KIAA0319: variants seen among roughly 807,000 people sequenced by gnomAD.
KIAA0319 encodes the protein KIAA0319, also known as dyslexia-associated protein KIAA0319.
Under a neutral mutation model 108.4 loss-of-function variants are expected in KIAA0319, and 83 were observed. The observed-to-expected ratio is 0.77, with a 90% CI of 0.64 to 0.92. The LOEUF is 0.92. Ranked by LOEUF, KIAA0319 falls within the 40% of genes least tolerant of loss-of-function variation. The pLI, the probability that KIAA0319 is intolerant of heterozygous loss-of-function variation, is 0.00. For synonymous variants in KIAA0319, 484 were observed against 510.4 expected (o/e 0.95, Z 0.70); for missense variants, 1,195 against 1,322.4 (o/e 0.90, Z 1.49).
intron 16 of KIAA0319, among the ~76,000 whole-genome samples, chr6:24,562,967 T>C (rs1763303274): frequency 6.6e-6 from 1 of 152,136 alleles, no homozygotes. Context: ...CAAATGGTAA[T>C]CAGTGATCCT....
chr6:24,580,006 AC>A, intron 7 of KIAA0319, 56 bp from the exon 8 acceptor site: 1 of 1,301,108 alleles, frequency 7.7e-7, no homozygotes, highest in Non-Finnish European at 1.1e-6. Flanking sequence ...ATATGTCATT[AC>A]CCACATAAAA....
chr6:24,629,885 T>G (rs1775287593), intron 1 of KIAA0319, among the ~76,000 whole-genome samples: 1 of 152,140 alleles, frequency 6.6e-6, no homozygotes, highest in Non-Finnish European at 1.5e-5. Context: ...AAATAAATCC[T>G]TCTTTAAATA....
chr6:24,625,837 A>T (rs1376753765), intron 1 of KIAA0319, among the ~76,000 whole-genome samples: 1 of 152,250 alleles, frequency 6.6e-6, no homozygotes, highest in Non-Finnish European at 1.5e-5. Context: ...ACAAAGAGTA[A>T]GTACTTAGGA....
At chr6:24,586,483 C>A (rs1186536488) in intron 4 of KIAA0319, among the ~76,000 whole-genome samples, 1 of 152,174 alleles carries the variant, frequency 6.6e-6, no homozygotes, top group Non-Finnish European at 1.5e-5. Context: ...TCCAAGAGAT[C>A]CACATCCATA....
intron 1 of KIAA0319, among the ~76,000 whole-genome samples, chr6:24,601,614 A>G (rs1770633474): frequency 6.6e-6 from 1 of 152,220 alleles, no homozygotes; most frequent in Non-Finnish European, 1.5e-5. Flanking sequence ...AGGCTGTTGC[A>G]GTGGGAAGCT....
chr6:24,597,025 A>ATCCATCAC (rs796965925), intron 2 of KIAA0319, among the ~76,000 whole-genome samples: 3 of 151,770 alleles, frequency 2.0e-5, no homozygotes, highest in African/African-American at 7.3e-5. Context: ...CCACTCATCC[A>ATCCATCAC]TCCATCACTC....
In KIAA0319 at chr6:24,579,935, A is replaced by T. The variant is rs753910882; in HGVS notation, c.1295T>A (p.Leu432Gln). The change falls in exon 8 of 21, where the codon CTG (leucine) becomes CAG (glutamine). Residue 432 changes from leucine to glutamine, a missense_variant. Leu to Gln is a moderately radical substitution (Grantham distance 113). Transcript: ENST00000378214. Reference protein sequence around the residue: ...VTVKPARRVNLPPVAVVSPQL... With the variant: ...VTVKPARRVNQPPVAVVSPQL... ...GGGAGAAACAACTGCTACAGGTGGC[A>T]GGTTGACTCTTCTGGCTGTAACAAA... The T allele has an allele frequency of 1.3e-6, 2 of 1,594,160 alleles. No homozygotes were observed. The highest frequency in any genetic ancestry group is 2.3e-5 in the East Asian group (1 of 44,116).
At chr6:24,569,361 C>A (rs558097223) in intron 12 of KIAA0319, among the ~76,000 whole-genome samples, 1 of 152,232 alleles carries the variant, frequency 6.6e-6, no homozygotes, top group South Asian at 2.1e-4. Flanking sequence ...CGGGGCTTGT[C>A]AAAAATACCT....
chr6:24,578,144 A>G lies in KIAA0319; in HGVS notation c.1471T>C (p.Leu491=). ...KTSVDSPVLR[L]SNLDPGNYSF... Reference sequence around the variant, plus strand: ...TAGTTACCAGGATCAAGGTTAGACAAGCGTAAGACGGGAGAGTCAACTGAA... The same window carrying G: ...TAGTTACCAGGATCAAGGTTAGACAGGCGTAAGACGGGAGAGTCAACTGAA... Residue 491 remains leucine (L), a synonymous_variant, in exon 9 of 21, where the codon TTG becomes CTG. Transcript: ENST00000378214. 6.2e-7 allele frequency: 1 copy of G among 1,613,078 alleles called. No individual in the cohort carries two copies. Among genetic ancestry groups the G allele is most frequent in the African/African-American group, 1.3e-5 (1 of 75,012 alleles).
At chr6:24,606,325 C>T (rs912967975) in intron 1 of KIAA0319, among the ~76,000 whole-genome samples, 3 of 152,154 alleles carry the variant, frequency 2.0e-5, no homozygotes, top group Non-Finnish European at 4.4e-5. Context: ...ATGCATGACC[C>T]CTAGGCCATC....
At chr6:24,628,568 ATTAGTTTCCTAGGGC>A (rs1053302431) in intron 1 of KIAA0319, among the ~76,000 whole-genome samples, 3 of 152,040 alleles carry the variant, frequency 2.0e-5, no homozygotes, top group African/African-American at 7.2e-5. Flanking sequence ...TACCATCTGA[ATTAGTTTCCTAGGGC>A]TACTGTAACA....
intron 6 of KIAA0319, 91 bp downstream of exon 6, chr6:24,582,158 A>G (rs1236729234): frequency 1.3e-6 from 1 of 763,976 alleles, no homozygotes; most frequent in East Asian, 2.6e-5. Flanking sequence ...AAAAGAAGAA[A>G]GACGTTTGGG....
At chr6:24,584,658 T>C (rs774810009) in intron 4 of KIAA0319, among the ~76,000 whole-genome samples, 6 of 152,268 alleles carry the variant, frequency 3.9e-5, no homozygotes, top group African/African-American at 7.2e-5. Flanking sequence ...AGAAGGGACA[T>C]TGATCCAAAC....
intron 11 of KIAA0319, 105 bp from the exon 12 acceptor site, chr6:24,570,140 C>T (rs1338769280): frequency 1.1e-5 from 12 of 1,075,436 alleles, no homozygotes; most frequent in Non-Finnish European, 1.5e-5. Context: ...GACCAGGCAG[C>T]CACTAGAGTA....
intron 19 of KIAA0319, 54 bp from the exon 20 acceptor site, chr6:24,551,579 C>G: frequency 1.6e-6 from 2 of 1,240,968 alleles, no homozygotes. Context: ...TAACTGAGAG[C>G]TAGGATTTAA....
intron 10 of KIAA0319, 150 bp from the exon 11 acceptor site, chr6:24,572,848 G>C (rs1311624917): frequency 2.5e-6 from 2 of 786,002 alleles, no homozygotes; most frequent in East Asian, 6.1e-5. Context: ...AGGCACGGTG[G>C]TTCACATCTG....
chr6:24,638,065 T>C (rs1370276787), intron 1 of KIAA0319, among the ~76,000 whole-genome samples: 1 of 152,058 alleles, frequency 6.6e-6, no homozygotes, highest in Non-Finnish European at 1.5e-5. Flanking sequence ...TAATACATAC[T>C]AGGGAGCAAA....
chr6:24,559,190 G>A (rs1762748194), intron 16 of KIAA0319, 35 bp from the exon 17 acceptor site: 1 of 1,604,602 alleles, frequency 6.2e-7, no homozygotes. Context: ...ACAGCCACAT[G>A]GTCAGATGGT....
chr6:24,547,556 G>A (rs369168729), intron 20 of KIAA0319, among the ~76,000 whole-genome samples: 3 of 152,112 alleles, frequency 2.0e-5, no homozygotes, highest in East Asian at 3.9e-4. Flanking sequence ...TTTGACACTC[G>A]CCAGATGCTT....
Sources: gnomAD v4.1 joint callset for allele counts (sites outside exome capture counted in the v4.1 genomes callset) on GRCh38, gnomAD v4.1.1 for gene constraint, MANE v1.5 for transcripts, NCBI Gene and HGNC (gene_info 2026-07-23, HGNC 2026-07-21) for gene names.